DLG1: variants seen among roughly 807,000 people sequenced by gnomAD.
The protein encoded by DLG1 is disks large homolog 1.
A neutral mutation model predicts 123.4 loss-of-function variants in DLG1; 42 were observed. The ratio of observed to expected loss-of-function variants is 0.34; its 90% CI spans 0.27 to 0.44. The LOEUF is 0.44. DLG1 is among the 20% of genes least tolerant of loss of function. The probability of loss-of-function intolerance (pLI) is 1.00; values close to 1 mark genes in which losing one functional copy is unlikely to be tolerated. For missense variants in DLG1, 942 were observed against 1,082.6 expected (o/e 0.87, Z 1.82); for synonymous variants, 317 against 356.2 (o/e 0.89, Z 1.24).
chr3:197,066,754 C>A lies in DLG1; in HGVS notation c.2048G>T (p.Arg683Leu). The change falls in exon 20 of 25, where the codon CGT becomes CTT. Residue 683 changes from arginine to leucine, a missense_variant and splice_region_variant. Arg to Leu is a moderately radical substitution (Grantham distance 102). Transcript: ENST00000667157. ...AGATAAGACGTATTCTTCTTGACCA[C>A]CTATTAGAAAGTGAAGGCACAGATG... ...SNASDSESSY[R>L]GQEEYVLSYE... is the part of the protein sequence containing the mutation. The A allele has an allele frequency of 6.3e-7, 1 of 1,595,626 alleles. No individual in the cohort carries two copies. Among genetic ancestry groups the A allele is most frequent in the South Asian group, 1.1e-5 (1 of 88,744 alleles).
At chr3:197,288,705 GAGTGAA>G in intron 3 of DLG1, among the ~76,000 whole-genome samples, 1 of 82,332 alleles carries the variant, frequency 1.2e-5, no homozygotes, top group Non-Finnish European at 2.1e-5. Flanking sequence ...TGGGCAACAA[GAGTGAA>G]ACTGTCTCAA....
In DLG1 at chr3:197,104,977, C is replaced by G. The variant is rs1222231682; in HGVS notation, c.1472G>C (p.Ser491Thr). 2 of 1,612,964 alleles carry G rather than the reference C, an allele frequency of 1.2e-6. No homozygotes were observed. Among genetic ancestry groups the G allele is most frequent in the Non-Finnish European group, 8.5e-7 (1 of 1,179,496 alleles). ...SVNSVDLRAA[S>T]HEQAAAALKN... is the part of the protein sequence containing the mutation. Reference sequence around the variant, plus strand: ...CAATGCAGCTGCTGCCTGCTCATGACTAGCAGCTCTGAGGTCAACACTGTT... The same window carrying G: ...CAATGCAGCTGCTGCCTGCTCATGAGTAGCAGCTCTGAGGTCAACACTGTT... The change falls in exon 14 of 25, where the codon AGT (serine) becomes ACT (threonine). Residue 491 changes from serine (S) to threonine (T), a missense_variant. Ser to Thr is a moderately conservative substitution (Grantham distance 58). Transcript: ENST00000667157.
At chr3:197,062,591 A>G (rs1302149378) in intron 22 of DLG1, among the ~76,000 whole-genome samples, 1 of 152,076 alleles carries the variant, frequency 6.6e-6, no homozygotes. Flanking sequence ...TCATTCTTTG[A>G]GTGCTTCCTT....
At chr3:197,297,761 GCACACCTCCGCGGGCCCC>G in intron 1 of DLG1, 1 of 986,142 alleles carries the variant, frequency 1.0e-6, no homozygotes, top group Non-Finnish European at 1.2e-6. Flanking sequence ...CGCCCCGCAT[GCACACCTCCGCGGGCCCC>G]CACACCTGCG....
intron 10 of DLG1, among the ~76,000 whole-genome samples, chr3:197,134,645 T>A (rs1393042118): frequency 6.6e-6 from 1 of 152,240 alleles, no homozygotes; most frequent in Non-Finnish European, 1.5e-5. Context: ...TATACTACTT[T>A]CATCTTGTCT....
At chr3:197,066,188 A>G (rs1739416837) in intron 20 of DLG1, among the ~76,000 whole-genome samples, 1 of 152,198 alleles carries the variant, frequency 6.6e-6, no homozygotes, top group South Asian at 2.1e-4. Context: ...GAAGTGATAT[A>G]ATCCCAGTAG....
chr3:197,228,448 T>C (rs1292864583), intron 4 of DLG1, among the ~76,000 whole-genome samples: 1 of 152,254 alleles, frequency 6.6e-6, no homozygotes, highest in African/African-American at 2.4e-5. Flanking sequence ...AAACATGTAA[T>C]ATATTCAACT....
intron 14 of DLG1, among the ~76,000 whole-genome samples, chr3:197,093,244 C>T (rs954215966): frequency 6.6e-6 from 1 of 152,076 alleles, no homozygotes; most frequent in African/African-American, 2.4e-5. Context: ...CTGCAACCTC[C>T]GCCTTCTGGC....
At chr3:197,096,867 T>C (rs1267655982) in intron 14 of DLG1, among the ~76,000 whole-genome samples, 4 of 152,228 alleles carry the variant, frequency 2.6e-5, no homozygotes, top group Non-Finnish European at 5.9e-5. Flanking sequence ...ACTTTTCAAA[T>C]AGGTTTCCAT....
In DLG1 at chr3:197,060,581, C is replaced by T. The variant is rs183430199; in HGVS notation, c.2374-583G>A. ...AAACAAATTTGTGAAACCTCATTGC[C>T]ACTACTCAATCCTTCTATTTCTCAT... On this transcript the variant is annotated intron_variant, in intron 22 of 24. Coordinates refer to ENST00000667157, the MANE Select transcript of DLG1 (RefSeq NM_001366207.1). 1.5e-3 allele frequency among the ~76,000 whole-genome samples: 222 copies of T among 152,258 alleles called. 1 individual carries two copies. Among genetic ancestry groups the T allele is most frequent in the African/African-American group, 5.3e-3 (221 of 41,552 alleles).
chr3:197,107,493 A>T (rs564440367), intron 13 of DLG1, among the ~76,000 whole-genome samples: 1 of 152,040 alleles, frequency 6.6e-6, no homozygotes, highest in Non-Finnish European at 1.5e-5. Flanking sequence ...TGCAGTGAAC[A>T]GAGATTGCGC....
At chr3:197,081,233 G>C (rs890380797) in intron 16 of DLG1, 116 bp from the exon 17 acceptor site, 6 of 886,636 alleles carry the variant, frequency 6.8e-6, no homozygotes, top group African/African-American at 3.4e-5. Context: ...AAACCTTTAA[G>C]AGTCATCTAG....
Position 197,060,015 on chromosome 3 carries a change from A to C in DLG1, c.2374-17T>G, listed in dbSNP as rs1262909263. 3 of 1,586,546 alleles carry C rather than the reference A, an allele frequency of 1.9e-6. No homozygotes were observed. The highest frequency in any genetic ancestry group is 2.7e-5 in the African/African-American group (2 of 73,780). ...GTGTTTGCCCTAAAATAAAGGGAAC[A>C]AAGAAAAAAAACAAGTGAGCCAAAT... On this transcript the variant is annotated splice_polypyrimidine_tract_variant and intron_variant, in intron 22 of 24. Coordinates refer to ENST00000667157, the MANE Select transcript of DLG1 (RefSeq NM_001366207.1).
rs1731226432 is a variant in DLG1 at position 197,211,454 on chromosome 3, G to C, written c.319-16865C>G. On this transcript the variant is annotated intron_variant, in intron 4 of 24. Coordinates refer to ENST00000667157, the MANE Select transcript of DLG1 (RefSeq NM_001366207.1). ...AAAGCTAAACCGCCACAATCAAGTAGGCTTCATCCCGGGATGCAAGGCTGG... is the reference window on the plus strand; with the variant it reads ...AAAGCTAAACCGCCACAATCAAGTACGCTTCATCCCGGGATGCAAGGCTGG... Among the ~76,000 whole-genome samples the C allele has an allele frequency of 1.4e-5, 2 of 146,498 alleles. 1 individual carries two copies. The highest frequency in any genetic ancestry group is 5.1e-4 in the South Asian group (2 of 3,894).
chr3:197,135,834 T>C (rs1474873515), intron 10 of DLG1, among the ~76,000 whole-genome samples: 2 of 151,304 alleles, frequency 1.3e-5, no homozygotes, highest in African/African-American at 2.4e-5. Flanking sequence ...TTTTTTGAGA[T>C]GGGCTTTCAC....
At chr3:197,052,844 A>G (rs1728885253) in intron 23 of DLG1, among the ~76,000 whole-genome samples, 1 of 152,232 alleles carries the variant, frequency 6.6e-6, no homozygotes, top group Non-Finnish European at 1.5e-5. Flanking sequence ...TCTATAGGTT[A>G]AACAACTTAA....
rs1425447845 is a variant in DLG1 at position 197,298,011 on chromosome 3, C to T, written c.-32+525G>A. 12 of 833,334 alleles carry T rather than the reference C, an allele frequency of 1.4e-5. No individual in the cohort carries two copies. In the East Asian group the frequency reaches 4.9e-4, roughly 34 times the overall value. The allele number at this position is 833,334 out of a possible 1,614,324, so 51.6% of individuals were successfully genotyped here. A position where few individuals can be genotyped will look rare whatever the true frequency, so the allele number is the denominator to read the frequency against. The stretch of plus-strand genomic sequence containing the variant: ...TTCTCGGCCGCGCCGCCTCCTCGCT[C>T]GCCGCGGCCCCCCGGCCCGCTCGCC... On this transcript the variant is annotated intron_variant, in intron 1 of 24. Coordinates refer to ENST00000667157, the MANE Select transcript of DLG1 (RefSeq NM_001366207.1).
At chr3:197,125,814 C>T (rs1009748311) in intron 11 of DLG1, among the ~76,000 whole-genome samples, 1 of 152,166 alleles carries the variant, frequency 6.6e-6, no homozygotes, top group Middle Eastern at 3.4e-3. Context: ...AGTGGCAAAA[C>T]GACAATGGGC....
chr3:197,159,624 A>C lies in DLG1; in HGVS notation c.484-9828T>G, dbSNP rs372679794. ...TGGGTTATATGTTAGTATGTATTTT[A>C]AATTTTACTTGGGGACGGATATTTT... On this transcript the variant is annotated intron_variant, in intron 5 of 24. Coordinates refer to ENST00000667157, the MANE Select transcript of DLG1 (RefSeq NM_001366207.1). 3.3e-5 allele frequency among the ~76,000 whole-genome samples: 5 copies of C among 152,328 alleles called. No homozygotes were observed. In the South Asian group the frequency reaches 8.3e-4, roughly 25 times the overall value.
Sources: gnomAD v4.1 joint callset for allele counts (sites outside exome capture counted in the v4.1 genomes callset) on GRCh38, gnomAD v4.1.1 for gene constraint, MANE v1.5 for transcripts, NCBI Gene and HGNC (gene_info 2026-07-23, HGNC 2026-07-21) for gene names.